The following FAH variants were observed in gnomAD, a reference collection of about 807,000 sequenced individuals.
FAH encodes fumarylacetoacetate hydrolase.
Under a neutral mutation model 55.8 loss-of-function variants are expected in FAH, and 47 were observed. The observed-to-expected ratio is 0.84, with a 90% CI of 0.67 to 1.07. FAH has a LOEUF of 1.07. Among genes scored for constraint, FAH ranks in the 50% least tolerant of loss-of-function variants. The probability of loss-of-function intolerance (pLI) is 0.00; values close to 1 mark genes in which losing one functional copy is unlikely to be tolerated. For missense variants in FAH, 495 were observed against 545.9 expected (o/e 0.91, Z 0.93); for synonymous variants, 199 against 207.7 (o/e 0.96, Z 0.36).
intron 7 of FAH, among the ~76,000 whole-genome samples, chr15:80,171,236 C>T (rs1259604631): frequency 6.6e-6 from 1 of 151,720 alleles, no homozygotes; most frequent in African/African-American, 2.4e-5. Context: ...TAATGCTATC[C>T]CTCCCTCTTC....
intron 7 of FAH, among the ~76,000 whole-genome samples, chr15:80,170,009 G>T (rs1429448526): frequency 6.6e-6 from 1 of 152,198 alleles, no homozygotes; most frequent in Non-Finnish European, 1.5e-5. Context: ...GATACAGTCG[G>T]TCCCACCACC....
intron 5 of FAH, chr15:80,167,196 C>G (rs2041199192): frequency 6.6e-6 from 1 of 152,150 alleles, no homozygotes; most frequent in Non-Finnish European, 1.5e-5. Context: ...GCCACAACAA[C>G]AGGAATTTAT....
At position 80,168,154 on chromosome 15, in the gene FAH, G is replaced by A. The variant is rs1167783894; in HGVS notation, c.553+5G>A. ...GACAGATGAAACCTGATGACTGTGA[G>A]TGACCGCAGCGTCCAGGCCTTGCTG... is the stretch of plus-strand genomic sequence containing the variant. On this transcript the variant is annotated splice_donor_5th_base_variant and intron_variant, in intron 6 of 13. Coordinates refer to ENST00000561421, the MANE Select transcript of FAH (RefSeq NM_000137.4). 2.5e-6 allele frequency: 4 copies of A among 1,613,574 alleles called. No homozygotes were observed. Among genetic ancestry groups the A allele is most frequent in the East Asian group, 2.2e-5 (1 of 44,868 alleles).
At position 80,160,451 on chromosome 15, in the gene FAH, C is replaced by A; in HGVS notation, c.356C>A (p.Ala119Asp). Residue 119 changes from alanine (A) to aspartate (D), a missense_variant, in exon 4 of 14, where the codon GCC becomes GAC. Physicochemically the swap from Ala to Asp is moderately radical, Grantham distance 126 (BLOSUM62 -2). Coordinates refer to ENST00000561421, the MANE Select transcript of FAH (RefSeq NM_000137.4). ...GCTTCTGCCACGATGCACCTTCCAG[C>A]CACCATAGGTGAGTGCAGTCTCTTC... is the stretch of plus-strand genomic sequence containing the variant. Reference protein sequence around the residue: ...SQASATMHLPATIGDYTDFYS... With the variant: ...SQASATMHLPDTIGDYTDFYS... 1.2e-6 allele frequency: 2 copies of A among 1,614,190 alleles called. No homozygotes were observed. The highest frequency in any genetic ancestry group is 1.7e-6 in the Non-Finnish European group (2 of 1,179,990).
rs777125704 is a variant in FAH at position 80,181,171 on chromosome 15, C to A, written c.1180+12C>A. 2 of 1,567,386 alleles carry A rather than the reference C, an allele frequency of 1.3e-6. No individual in the cohort carries two copies. The highest frequency in any genetic ancestry group is 2.2e-5 in the South Asian group (2 of 90,092). On this transcript the variant is annotated intron_variant, in intron 13 of 13. Coordinates refer to ENST00000561421, the MANE Select transcript of FAH (RefSeq NM_000137.4). ...AGTCATCATAACAGGTGAGGGCTGC[C>A]AAACCCAGCAGCTCGTCTTCCTCCT...
At chr15:80,179,544 G>A (rs144786448) in intron 11 of FAH, among the ~76,000 whole-genome samples, 68 of 152,110 alleles carry the variant, frequency 4.5e-4, no homozygotes, top group Non-Finnish European at 1.6e-4. Context: ...CGTCTCGGTG[G>A]GCACGTGGTG....
intron 2 of FAH, 86 bp downstream of exon 2, chr15:80,158,256 C>A: frequency 2.1e-6 from 2 of 966,954 alleles, no homozygotes; most frequent in South Asian, 1.3e-5. Context: ...CGTTCCATTT[C>A]CGATAGAGGT....
upstream of FAH, chr15:80,152,972 C>A: frequency 1.6e-6 from 2 of 1,245,600 alleles, no homozygotes; most frequent in Non-Finnish European, 2.3e-6. Flanking sequence ...GGGGGCGGGG[C>A]CGGGCCTGAC....
At chr15:80,155,969 G>A in intron 1 of FAH, 1 of 476,412 alleles carries the variant, frequency 2.1e-6, no homozygotes, top group Middle Eastern at 6.3e-4. Context: ...AAGTGGACAA[G>A]GAGCGTGACC....
chr15:80,160,760 T>TTC (rs1309861253), intron 4 of FAH, among the ~76,000 whole-genome samples: 2 of 152,164 alleles, frequency 1.3e-5, no homozygotes, highest in African/African-American at 2.4e-5. Flanking sequence ...ATGGGACAAA[T>TTC]TCTCTGAGCT....
At chr15:80,158,317 T>A (rs890859556) in intron 2 of FAH, 147 bp downstream of exon 2, 3 of 744,726 alleles carry the variant, frequency 4.0e-6, no homozygotes, top group Admixed American at 4.0e-5. Flanking sequence ...TGGGGTTGTT[T>A]TGAGACAGAC....
At chr15:80,181,991 A>G (rs1020576456) in intron 13 of FAH, among the ~76,000 whole-genome samples, 2 of 152,196 alleles carry the variant, frequency 1.3e-5, no homozygotes, top group Non-Finnish European at 2.9e-5. Flanking sequence ...TGTGGCTTAA[A>G]ACAACTGAAA....
At chr15:80,184,027 G>A (rs1246860228) in intron 13 of FAH, among the ~76,000 whole-genome samples, 2 of 152,216 alleles carry the variant, frequency 1.3e-5, no homozygotes, top group African/African-American at 2.4e-5. Context: ...AACAGGTGAA[G>A]TAAACAAACC....
Position 80,180,181 on chromosome 15 carries a change from C to G in FAH, c.1018C>G (p.Leu340Val), listed in dbSNP as rs756624728. The change falls in exon 12 of 14, where the codon CTG (leucine) becomes GTG (valine). Residue 340 changes from leucine to valine, a missense_variant. Leu to Val is a conservative substitution (Grantham distance 32). Coordinates refer to ENST00000561421, the MANE Select transcript of FAH (RefSeq NM_000137.4). The stretch of plus-strand genomic sequence containing the variant: ...TCACCACTCTGTCAACGGCTGCAAC[C>G]TGCGGCCGGGGGACCTCCTGGCTTC... The part of the protein sequence containing the change: ...LTHHSVNGCN[L>V]RPGDLLASGT... 6.2e-7 allele frequency: 1 copy of G among 1,610,328 alleles called. No homozygotes were observed. The highest frequency in any genetic ancestry group is 1.7e-5 in the Admixed American group (1 of 60,022).
chr15:80,154,949 G>A (rs2041086063), intron 1 of FAH, among the ~76,000 whole-genome samples: 1 of 152,212 alleles, frequency 6.6e-6, no homozygotes, highest in Admixed American at 6.5e-5. Context: ...TGGTCTGGCT[G>A]TGCTGCTGCC....
At chr15:80,161,261 G>A (rs1410143286) in intron 4 of FAH, among the ~76,000 whole-genome samples, 1 of 150,312 alleles carries the variant, frequency 6.7e-6, no homozygotes, top group Non-Finnish European at 1.5e-5. Context: ...GACTGATGGT[G>A]CCCTTTCTTG....
intron 13 of FAH, among the ~76,000 whole-genome samples, chr15:80,184,309 C>T (rs2047026325): frequency 6.6e-6 from 1 of 152,062 alleles, no homozygotes; most frequent in African/African-American, 2.4e-5. Flanking sequence ...GTTTCTTGCC[C>T]TGCGTCTCTC....
At chr15:80,158,317 T>C (rs890859556) in intron 2 of FAH, 147 bp downstream of exon 2, 3 of 744,726 alleles carry the variant, frequency 4.0e-6, no homozygotes, top group African/African-American at 1.7e-5. Context: ...TGGGGTTGTT[T>C]TGAGACAGAC....
chr15:80,177,505 G>A (rs1379309405), intron 10 of FAH, 32 bp from the exon 11 acceptor site: 3 of 1,602,802 alleles, frequency 1.9e-6, no homozygotes, highest in East Asian at 2.2e-5. Flanking sequence ...ATGGAATTAA[G>A]TTTTCATCAA....
Sources: gnomAD v4.1 joint callset for allele counts (sites outside exome capture counted in the v4.1 genomes callset) on GRCh38, gnomAD v4.1.1 for gene constraint, MANE v1.5 for transcripts, NCBI Gene and HGNC (gene_info 2026-07-23, HGNC 2026-07-21) for gene names.